The following FASTKD2 variants were observed in gnomAD, a reference collection of about 807,000 sequenced individuals.
The protein encoded by FASTKD2 is FAST kinase domain-containing protein 2, mitochondrial.
A neutral mutation model predicts 63.6 loss-of-function variants in FASTKD2; 51 were observed. The observed-to-expected ratio is 0.80, with a 90% CI of 0.64 to 1.01. The LOEUF (loss-of-function observed/expected upper bound fraction) is 1.01. FASTKD2 is among the 50% of genes least tolerant of loss of function. The pLI is 0.00. For synonymous variants in FASTKD2, 284 were observed against 293.4 expected (o/e 0.97, Z 0.33); for missense variants, 786 against 831.1 (o/e 0.95, Z 0.67).
rs199622103 is a variant in FASTKD2, at chr2:206,788,830, A to C, written c.1825A>C (p.Arg609=). 11 of 1,528,678 alleles carry C rather than the reference A, an allele frequency of 7.2e-6. No individual in the cohort carries two copies. The highest frequency in any genetic ancestry group is 1.0e-5 in the Non-Finnish European group (11 of 1,102,840). 94.7% of individuals were successfully genotyped at this position (1,528,678 alleles called of 1,614,324 possible). Residue 609 remains arginine (R), a synonymous_variant, in exon 10 of 12, where the codon AGA becomes CGA. Coordinates refer to ENST00000402774, the MANE Select transcript of FASTKD2 (RefSeq NM_001136193.2). Reference sequence around the variant, plus strand: ...TTCTTTCCTTTCAGATTTTGAAATCAGAATGGACACTAACAGGAATCAAGT... The same window carrying C: ...TTCTTTCCTTTCAGATTTTGAAATCCGAATGGACACTAACAGGAATCAAGT... ...PHNYHIDFEI[R]MDTNRNQVLP... is the part of the protein sequence containing the mutation.
At chr2:206,781,129 TTTGA>T (rs1330033787) in intron 7 of FASTKD2, among the ~76,000 whole-genome samples, 1 of 152,228 alleles carries the variant, frequency 6.6e-6, no homozygotes, top group African/African-American at 2.4e-5. Context: ...ATTTTGGTAC[TTTGA>T]TTGTGTTACA....
At position 206,793,685 on chromosome 2, in the gene FASTKD2, T is replaced by G. The variant is rs138267671; in HGVS notation, c.*1883T>G. ...AAGGATTTGACAAATTTGTGAATATTTATGACCACCTTTTAGGGTAGTAAT... is the reference window on the plus strand; with the variant it reads ...AAGGATTTGACAAATTTGTGAATATGTATGACCACCTTTTAGGGTAGTAAT... On this transcript the variant is annotated 3_prime_UTR_variant, in exon 12 of 12. Transcript: ENST00000402774. Among the ~76,000 whole-genome samples, 46 of 152,332 alleles carry G rather than the reference T, an allele frequency of 3.0e-4. No homozygotes were observed. The highest frequency in any genetic ancestry group is 1.1e-3 in the African/African-American group (44 of 41,564).
chr2:206,786,583 T>C, intron 7 of FASTKD2, 150 bp from the exon 8 acceptor site: 1 of 737,438 alleles, frequency 1.4e-6, no homozygotes, highest in Admixed American at 1.9e-5. Context: ...ATTTATTGAA[T>C]GTATACACTT....
Position 206,788,172 on chromosome 2 carries a change from G to T in FASTKD2, c.1813+17G>T. ...ATCATATTGGTATGGGACATTATAT[G>T]ATTTCCTTTCATTTTATTGTATTTA... On this transcript the variant is annotated intron_variant, in intron 9 of 11. Transcript: ENST00000402774. 1.3e-6 allele frequency: 2 copies of T among 1,499,982 alleles called. No homozygotes were observed. The highest frequency in any genetic ancestry group is 1.2e-5 in the South Asian group (1 of 85,054). 92.9% of individuals were successfully genotyped at this position (1,499,982 alleles called of 1,614,324 possible).
Position 206,790,967 on chromosome 2 carries a change from A to G in FASTKD2, c.2013+281A>G, listed in dbSNP as rs114849970. ...AGAAGAATGCAAATAATATATTTTC[A>G]TATTTAAGATACACAAAACCATATT... On this transcript the variant is annotated intron_variant, in intron 11 of 11. Transcript: ENST00000402774. 1,198 of 357,146 alleles carry G rather than the reference A, an allele frequency of 3.4e-3. 9 individuals carry two copies. Among genetic ancestry groups the G allele is most frequent in the African/African-American group, 0.023 (1,118 of 48,044 alleles). 22.1% of individuals were successfully genotyped at this position (357,146 alleles called of 1,614,324 possible). A position where few individuals can be genotyped will look rare whatever the true frequency, so the allele number is the denominator to read the frequency against.
chr2:206,772,229 C>T lies in FASTKD2; in HGVS notation c.1163C>T (p.Ser388Phe), dbSNP rs1290533190. Reference sequence around the variant, plus strand: ...AGAATAATGATCAACATATTGCAGTCCTGCAAAGACCTCCAGTACCATAAT... The same window carrying T: ...AGAATAATGATCAACATATTGCAGTTCTGCAAAGACCTCCAGTACCATAAT... ...PLRIMINILQSCKDLQYHNLD... is the reference protein window; with the variant it reads ...PLRIMINILQFCKDLQYHNLD... The change falls in exon 6 of 12, where the codon TCC (serine) becomes TTC (phenylalanine). Residue 388 changes from serine (S) to phenylalanine (F), a missense_variant. Coordinates refer to ENST00000402774, the MANE Select transcript of FASTKD2 (RefSeq NM_001136193.2). 16 of 1,612,956 alleles carry T rather than the reference C, an allele frequency of 9.9e-6. No homozygotes were observed. The highest frequency in any genetic ancestry group is 1.7e-5 in the Admixed American group (1 of 60,028).
chr2:206,767,015 T>G lies in FASTKD2; in HGVS notation c.322T>G (p.Tyr108Asp), dbSNP rs753566860. Residue 108 changes from tyrosine (Y) to aspartate (D), a missense_variant, in exon 2 of 12, where the codon TAT becomes GAT. Coordinates refer to ENST00000402774, the MANE Select transcript of FASTKD2 (RefSeq NM_001136193.2). ...AGCCCTTAGAATTGAAAGACTACTTTATGCTAAAAGACTGTTTTTTGACTC... is the reference window on the plus strand; with the variant it reads ...AGCCCTTAGAATTGAAAGACTACTTGATGCTAAAAGACTGTTTTTTGACTC... The part of the protein sequence containing the change: ...LTALRIERLL[Y>D]AKRLFFDSKQ... The G allele has an allele frequency of 1.9e-6, 3 of 1,613,788 alleles. No homozygotes were observed. In the South Asian group the frequency reaches 3.3e-5, roughly 18 times the overall value.
chr2:206,785,242 G>T (rs1322747591), intron 7 of FASTKD2, among the ~76,000 whole-genome samples: 1 of 152,162 alleles, frequency 6.6e-6, no homozygotes. Context: ...GGGAATTATA[G>T]GAGCTACAAT....
chr2:206,776,890 A>G (rs1689838257), intron 7 of FASTKD2, among the ~76,000 whole-genome samples: 1 of 152,062 alleles, frequency 6.6e-6, no homozygotes, highest in Admixed American at 6.5e-5. Context: ...CTGGGTTAGT[A>G]TGGACATTTT....
In FASTKD2 at chr2:206,770,126, A is replaced by G. The variant is rs1385760481; in HGVS notation, c.813A>G (p.Ser271=). ...RINECDEICL[S]VLSTVLEAME... ...ATGAGTGTGATGAGATATGCCTTTC[A>G]GTTTTGTCAACTGTTTTAGAGGCAA... The change falls in exon 3 of 12, where the codon TCA becomes TCG. Residue 271 remains serine, a synonymous_variant. Coordinates refer to ENST00000402774, the MANE Select transcript of FASTKD2 (RefSeq NM_001136193.2). 3.1e-6 allele frequency: 5 copies of G among 1,611,526 alleles called. No homozygotes were observed. Among genetic ancestry groups the G allele is most frequent in the Non-Finnish European group, 3.4e-6 (4 of 1,177,628 alleles).
Position 206,790,520 on chromosome 2 carries a change from A to G in FASTKD2, c.1899-52A>G, listed in dbSNP as rs1342254914. On this transcript the variant is annotated intron_variant, in intron 10 of 11. Coordinates refer to ENST00000402774, the MANE Select transcript of FASTKD2 (RefSeq NM_001136193.2). ...CTCCAGAGAACAAGAATGCAGCAAG[A>G]CTAAATAGTAATATCAATAACTGTT... 3.8e-6 allele frequency: 4 copies of G among 1,063,944 alleles called. No homozygotes were observed. In the Middle Eastern group the frequency reaches 6.0e-4, roughly 160 times the overall value. 65.9% of individuals were successfully genotyped at this position (1,063,944 alleles called of 1,614,324 possible).
intron 7 of FASTKD2, among the ~76,000 whole-genome samples, chr2:206,782,112 C>T (rs927500017): frequency 5.3e-5 from 8 of 152,150 alleles, no homozygotes; most frequent in South Asian, 2.1e-4. Flanking sequence ...TAGTATTCCA[C>T]GTGAGTTTAG....
Position 206,777,999 on chromosome 2 carries a change from T to C in FASTKD2, c.1427+3602T>C, listed in dbSNP as rs115239323. On this transcript the variant is annotated intron_variant, in intron 7 of 11. Transcript: ENST00000402774. ...TTTCTGTGGCATTGGTTTTTATTTC[T>C]AGTTATAATGTCTTGTTCGTCTCTT... Among the ~76,000 whole-genome samples the C allele has an allele frequency of 5.0e-3, 757 of 152,240 alleles. 7 individuals carry two copies. Among genetic ancestry groups the C allele is most frequent in the African/African-American group, 0.017 (715 of 41,572 alleles).
rs777153470 is a variant in FASTKD2 at position 206,788,839 on chromosome 2, A to G, written c.1834A>G (p.Thr612Ala). ...TTCAGATTTTGAAATCAGAATGGAC[A>G]CTAACAGGAATCAAGTGCTACCACT... ...YHIDFEIRMD[T>A]NRNQVLPLSD... Residue 612 changes from threonine (T) to alanine (A), a missense_variant, in exon 10 of 12, where the codon ACT (threonine) becomes GCT (alanine). Transcript: ENST00000402774. 1 of 1,562,194 alleles carries G rather than the reference A, an allele frequency of 6.4e-7. No homozygotes were observed. Among genetic ancestry groups the G allele is most frequent in the Non-Finnish European group, 8.8e-7 (1 of 1,133,136 alleles).
intron 10 of FASTKD2, chr2:206,789,878 A>C (rs970870990): frequency 4.6e-5 from 7 of 152,206 alleles, no homozygotes; most frequent in Non-Finnish European, 1.0e-4. Flanking sequence ...CTCAGCATAA[A>C]GTCATGAGAA....
Position 206,795,273 on chromosome 2 carries a change from G to A in FASTKD2, c.*3471G>A, listed in dbSNP as rs913539577. On this transcript the variant is annotated 3_prime_UTR_variant, in exon 12 of 12. Transcript: ENST00000402774. ...TCCTGAGACGGAGTCGTGGTCTGTC[G>A]CCCAGGCTGGAGTGCTGTGGCGTGA... Among the ~76,000 whole-genome samples, 3 of 152,104 alleles carry A rather than the reference G, an allele frequency of 2.0e-5. No homozygotes were observed. The highest frequency in any genetic ancestry group is 2.9e-5 in the Non-Finnish European group (2 of 68,014).
At chr2:206,774,012 A>G (rs1198733128) in intron 6 of FASTKD2, among the ~76,000 whole-genome samples, 15 of 152,142 alleles carry the variant, frequency 9.9e-5, no homozygotes, top group Non-Finnish European at 8.8e-5. Flanking sequence ...CTTAAAAAAG[A>G]TTGCTTATTA....
chr2:206,776,031 T>G (rs1304778974), intron 7 of FASTKD2, among the ~76,000 whole-genome samples: 2 of 151,980 alleles, frequency 1.3e-5, no homozygotes, highest in Non-Finnish European at 2.9e-5. Flanking sequence ...TTTGTATGTC[T>G]TCTTTGGAGA....
chr2:206,771,036 T>TA (rs1689665656), intron 3 of FASTKD2, 146 bp from the exon 4 acceptor site: 2 of 619,634 alleles, frequency 3.2e-6, no homozygotes, highest in Non-Finnish European at 5.7e-6. Flanking sequence ...GATCTTTAAC[T>TA]ACTTACACTC....
Sources: allele counts gnomAD v4.1 joint callset (sites outside exome capture counted in the v4.1 genomes callset), GRCh38; gene constraint gnomAD v4.1.1; transcripts MANE v1.5; gene names NCBI Gene and HGNC (gene_info 2026-07-23, HGNC 2026-07-21).